PHACTR3: variants seen among roughly 807,000 people sequenced by gnomAD.
PHACTR3 encodes the protein protein phosphatase 1, regulatory subunit 123.
Under a neutral mutation model 66.8 loss-of-function variants are expected in PHACTR3, and 16 were observed. The ratio of observed to expected loss-of-function variants is 0.24; its 90% CI spans 0.16 to 0.36. The LOEUF (loss-of-function observed/expected upper bound fraction) is 0.36. PHACTR3 is among the 10% of genes least tolerant of loss of function. PHACTR3 has a pLI of 1.00. For missense variants in PHACTR3, 647 were observed against 719.9 expected, an observed-to-expected ratio of 0.90 and a Z score of 1.16; for synonymous variants, 323 against 292.1, an observed-to-expected ratio of 1.11 and a Z score of -1.08.
chr20:59,831,393 C>T (rs1385329643), intron 8 of PHACTR3, among the ~76,000 whole-genome samples: 1 of 152,208 alleles, frequency 6.6e-6, no homozygotes, highest in Admixed American at 6.5e-5. Context: ...ATGCTGCTCT[C>T]TGTCCCTGGG....
intron 7 of PHACTR3, among the ~76,000 whole-genome samples, chr20:59,783,245 C>T (rs1392508326): frequency 6.6e-6 from 1 of 152,164 alleles, no homozygotes; most frequent in Non-Finnish European, 1.5e-5. Context: ...CCAGATGGCG[C>T]TGGAGATGCT....
chr20:59,845,397 T>C (rs1030908231), intron 12 of PHACTR3, 132 bp downstream of exon 12: 1 of 598,884 alleles, frequency 1.7e-6, no homozygotes, highest in Non-Finnish European at 3.0e-6. Flanking sequence ...ATTGAACAAA[T>C]AGAATGTACC....
intron 4 of PHACTR3, among the ~76,000 whole-genome samples, chr20:59,761,106 G>A (rs974094766): frequency 4.6e-5 from 7 of 152,126 alleles, no homozygotes; most frequent in Non-Finnish European, 1.0e-4. Context: ...TGTGAGTCTA[G>A]AACAAGGACT....
chr20:59,800,749 T>A lies in PHACTR3; in HGVS notation c.1175-5292T>A, dbSNP rs77262647. Among the ~76,000 whole-genome samples the A allele has an allele frequency of 1.7e-3, 262 of 152,340 alleles. 3 individuals are homozygous for A. The highest frequency in any genetic ancestry group is 6.2e-3 in the African/African-American group (258 of 41,574). ...ATTTTACCTTCTTGGGTGTTGGATG[T>A]TTTTTGTATTCCTATAAATACTCTT... On this transcript the variant is annotated intron_variant, in intron 7 of 12. Transcript: ENST00000371015.
chr20:59,748,693 A>G (rs568994290), intron 3 of PHACTR3, among the ~76,000 whole-genome samples: 51 of 152,264 alleles, frequency 3.3e-4, no homozygotes, highest in African/African-American at 1.1e-3. Context: ...ACAACACCTC[A>G]CTGCCTCTGG....
chr20:59,754,947 G>T (rs2039730458), intron 3 of PHACTR3, among the ~76,000 whole-genome samples: 1 of 152,216 alleles, frequency 6.6e-6, no homozygotes, highest in Non-Finnish European at 1.5e-5. Context: ...GAGGAAGAGT[G>T]CACACAGGGA....
intron 1 of PHACTR3, among the ~76,000 whole-genome samples, chr20:59,705,649 T>G (rs1199846363): frequency 6.6e-6 from 1 of 152,160 alleles, no homozygotes; most frequent in East Asian, 1.9e-4. Flanking sequence ...AAGGGGTGCT[T>G]CCTGTGAAAT....
intron 1 of PHACTR3, among the ~76,000 whole-genome samples, chr20:59,692,671 G>A (rs1038836664): frequency 6.6e-6 from 1 of 152,218 alleles, no homozygotes; most frequent in South Asian, 2.1e-4. Flanking sequence ...AGCACAAAAG[G>A]CCTGGTTCCC....
At chr20:59,733,916 C>T (rs2038854035) in intron 1 of PHACTR3, among the ~76,000 whole-genome samples, 1 of 152,102 alleles carries the variant, frequency 6.6e-6, no homozygotes, top group Non-Finnish European at 1.5e-5. Flanking sequence ...TATTCCTTGG[C>T]TCTTCCATAT....
chr20:59,700,835 G>T (rs1449443112), intron 1 of PHACTR3, among the ~76,000 whole-genome samples: 1 of 152,102 alleles, frequency 6.6e-6, no homozygotes, highest in African/African-American at 2.4e-5. Context: ...CATCATCTAG[G>T]CAGGAGTGCA....
chr20:59,704,739 G>A (rs1000827671), intron 1 of PHACTR3, among the ~76,000 whole-genome samples: 1 of 150,712 alleles, frequency 6.6e-6, no homozygotes, highest in Non-Finnish European at 1.5e-5. Context: ...CTAATATCCA[G>A]CCAAACACCT....
intron 1 of PHACTR3, among the ~76,000 whole-genome samples, chr20:59,712,114 A>C (rs1020618399): frequency 2.6e-5 from 4 of 151,950 alleles, no homozygotes; most frequent in African/African-American, 2.4e-5. Context: ...GATTGGTTCT[A>C]TTTCTTTTAA....
chr20:59,756,788 C>CATT (rs1326181879), intron 4 of PHACTR3, among the ~76,000 whole-genome samples: 7 of 152,054 alleles, frequency 4.6e-5, no homozygotes, highest in Admixed American at 1.3e-4. Flanking sequence ...TCGTCATTTA[C>CATT]ATTAGGTATA....
chr20:59,595,783 C>T (rs941740227), intron 1 of PHACTR3, among the ~76,000 whole-genome samples: 3 of 152,148 alleles, frequency 2.0e-5, no homozygotes, highest in Admixed American at 6.5e-5. Context: ...GGTGTGTACG[C>T]GTTAAGGATT....
chr20:59,835,216 T>TA (rs1341784729), intron 8 of PHACTR3, among the ~76,000 whole-genome samples: 1 of 152,154 alleles, frequency 6.6e-6, no homozygotes, highest in East Asian at 1.9e-4. Flanking sequence ...AAGCAACACT[T>TA]AAGTGAGCTA....
At chr20:59,723,060 C>CTTTCTCTTTCTTTCTT (rs1555823459) in intron 1 of PHACTR3, among the ~76,000 whole-genome samples, 5 of 118,664 alleles carry the variant, frequency 4.2e-5, no homozygotes, top group Non-Finnish European at 7.0e-5. Context: ...TTCTTTCTTT[C>CTTTCTCTTTCTTTCTT]TCTTTCTTTC....
chr20:59,612,970 T>C (rs1568933735), intron 1 of PHACTR3, among the ~76,000 whole-genome samples: 2 of 152,016 alleles, frequency 1.3e-5, no homozygotes, highest in African/African-American at 4.8e-5. Context: ...GTGCCAGGCT[T>C]TTTTAAACAA....
At chr20:59,842,573 T>A (rs2059082739) in intron 11 of PHACTR3, among the ~76,000 whole-genome samples, 1 of 152,180 alleles carries the variant, frequency 6.6e-6, no homozygotes, top group Non-Finnish European at 1.5e-5. Flanking sequence ...ATGTTTTCAG[T>A]CTCATCAGGT....
chr20:59,827,342 C>T (rs1340636383), intron 8 of PHACTR3, among the ~76,000 whole-genome samples: 1 of 152,110 alleles, frequency 6.6e-6, no homozygotes, highest in Non-Finnish European at 1.5e-5. Flanking sequence ...GTTCCTGGTG[C>T]AGAGGGTGAA....
Sources: gnomAD v4.1 joint callset for allele counts (sites outside exome capture counted in the v4.1 genomes callset) on GRCh38, gnomAD v4.1.1 for gene constraint, MANE v1.5 for transcripts, NCBI Gene and HGNC (gene_info 2026-07-23, HGNC 2026-07-21) for gene names.